Variants in NES observed in about 807,000 individuals in gnomAD.
NES encodes the protein nestin.
NES carries 27 observed loss-of-function variants against 35.6 expected under a neutral mutation model. That is an observed-to-expected ratio of 0.76 (90% CI 0.56 to 1.04). NES has a LOEUF of 1.04. Among genes scored for constraint, NES ranks in the 50% least tolerant of loss-of-function variants. NES has a pLI of 0.00. For missense variants in NES, 1,867 were observed against 1,983.6 expected, an observed-to-expected ratio of 0.94 and a Z score of 1.12; for synonymous variants, 822 against 824.2, an observed-to-expected ratio of 1.00 and a Z score of 0.04.
At position 156,672,980 on chromosome 1, in the gene NES, G is replaced by C. The variant is rs749943781; in HGVS notation, c.1208C>G (p.Ala403Gly). 6.2e-7 allele frequency: 1 copy of C among 1,613,968 alleles called. No individual in the cohort carries two copies. Among genetic ancestry groups the C allele is most frequent in the Non-Finnish European group, 8.5e-7 (1 of 1,179,922 alleles). Reference protein sequence around the residue: ...TPQAPSPAVDAEIRAQDAPLS... With the variant: ...TPQAPSPAVDGEIRAQDAPLS... ...AGGAGCATCCTGGGCTCTGATCTCTGCATCTACAGCAGGAGAGGGTGCCTG... is the reference window on the plus strand; with the variant it reads ...AGGAGCATCCTGGGCTCTGATCTCTCCATCTACAGCAGGAGAGGGTGCCTG... Residue 403 changes from alanine to glycine, a missense_variant, in exon 4 of 4, where the codon GCA becomes GGA. Transcript: ENST00000368223.
rs748055172 is a variant in NES, at chr1:156,669,684, A to T, written c.4504T>A (p.Ser1502Thr). The change falls in exon 4 of 4, where the codon TCT becomes ACT. Residue 1502 changes from serine to threonine, a missense_variant. Physicochemically the swap from Ser to Thr is moderately conservative, Grantham distance 58. Coordinates refer to ENST00000368223, the MANE Select transcript of NES (RefSeq NM_006617.2). ...SAEPSGSEEE[S>T]DPVSLEREDK... ...TCCCTCTCCAAGGAAACAGGGTCAG[A>T]CTCTTCCTCTGAGCCAGAAGGCTCA... The T allele has an allele frequency of 6.2e-7, 1 of 1,612,950 alleles. No homozygotes were observed. Among genetic ancestry groups the T allele is most frequent in the Non-Finnish European group, 8.5e-7 (1 of 1,179,622 alleles).
In NES at chr1:156,670,560, C is replaced by T. The variant is rs1679696845; in HGVS notation, c.3628G>A (p.Ala1210Thr). ...AGCACTGGTGGTACATCCTCCTCAGCTTCCTCTGACCCCAGAGGCCAAGGT... is the reference window on the plus strand; with the variant it reads ...AGCACTGGTGGTACATCCTCCTCAGTTTCCTCTGACCCCAGAGGCCAAGGT... Reference protein sequence around the residue: ...PSPWPLGSEEAEEDVPPVLVS... With the variant: ...PSPWPLGSEETEEDVPPVLVS... Residue 1210 changes from alanine (A) to threonine (T), a missense_variant, in exon 4 of 4, where the codon GCT becomes ACT. Transcript: ENST00000368223. The T allele has an allele frequency of 6.2e-7, 1 of 1,612,078 alleles. No homozygotes were observed. Among genetic ancestry groups the T allele is most frequent in the Admixed American group, 1.7e-5 (1 of 59,902 alleles).
At position 156,676,818 on chromosome 1, in the gene NES, G is replaced by A. The variant is rs1647309214; in HGVS notation, c.447C>T (p.Val149=). The A allele has an allele frequency of 2.1e-6, 3 of 1,435,612 alleles. No homozygotes were observed. Among genetic ancestry groups the A allele is most frequent in the Non-Finnish European group, 2.7e-6 (3 of 1,108,428 alleles). 88.9% of individuals were successfully genotyped at this position (1,435,612 alleles called of 1,614,324 possible). Residue 149 remains valine, a synonymous_variant, in exon 1 of 4, where the codon GTC becomes GTT. Transcript: ENST00000368223. This position sits in a 1 kb window ranked among gnomAD's most constrained non-coding sequence, Gnocchi z 5.3. Reference sequence around the variant, plus strand: ...CACAGGCAGCCTGCGCGTTCAGGCCGACGCGCTCCTCCTCGTGCGCCACGC... The same window carrying A: ...CACAGGCAGCCTGCGCGTTCAGGCCAACGCGCTCCTCCTCGTGCGCCACGC... ...ALRVAHEEER[V]GLNAQAACAP...
chr1:156,672,813 ACTGG>A lies in NES; in HGVS notation c.1371_1374del (p.Gln458ProfsTer19). 1 of 1,613,652 alleles carries A rather than the reference ACTGG, an allele frequency of 6.2e-7. No individual in the cohort carries two copies. Among genetic ancestry groups the A allele is most frequent in the East Asian group, 2.2e-5 (1 of 44,870 alleles). On this transcript the variant is annotated frameshift_variant, in exon 4 of 4. Transcript: ENST00000368223. LOFTEE classifies it low-confidence loss of function (END_TRUNC). ...GCCAAGGAGGCATGGTCCTCTGGGGACTGGCCTGTACTGGCCTCTTGCCGCTGGC... is the reference window on the plus strand; with the variant it reads ...GCCAAGGAGGCATGGTCCTCTGGGGACCTGTACTGGCCTCTTGCCGCTGGC...
rs761044522 is a variant in NES, at chr1:156,671,536, C to T, written c.2652G>A (p.Leu884=). 6.2e-7 allele frequency: 1 copy of T among 1,613,972 alleles called. No individual in the cohort carries two copies. The highest frequency in any genetic ancestry group is 8.5e-7 in the Non-Finnish European group (1 of 1,180,032). ...VEVNQETFRL[L]EEENQESLRS... ...TCAATGATTCCTGATTCTCCTCTTCCAGGAGTCTGAATGTCTCTTGGTTCA... is the reference window on the plus strand; with the variant it reads ...TCAATGATTCCTGATTCTCCTCTTCTAGGAGTCTGAATGTCTCTTGGTTCA... The change falls in exon 4 of 4, where the codon CTG becomes CTA. Residue 884 remains leucine, a synonymous_variant. Coordinates refer to ENST00000368223, the MANE Select transcript of NES (RefSeq NM_006617.2).
chr1:156,671,078 C>T lies in NES; in HGVS notation c.3110G>A (p.Gly1037Asp), dbSNP rs890164476. The change falls in exon 4 of 4, where the codon GGC becomes GAC. Residue 1037 changes from glycine to aspartate, a missense_variant. Transcript: ENST00000368223. ...EGASVKGGAE[G>D]LQDPEGQSQQ... Reference sequence around the variant, plus strand: ...TGATTGCCCTTCAGGGTCCTGGAGGCCCTCAGCCCCTCCCTTCACACTGGC... The same window carrying T: ...TGATTGCCCTTCAGGGTCCTGGAGGTCCTCAGCCCCTCCCTTCACACTGGC... 5.0e-6 allele frequency: 8 copies of T among 1,613,722 alleles called. No homozygotes were observed. Among genetic ancestry groups the T allele is most frequent in the Non-Finnish European group, 6.8e-6 (8 of 1,179,982 alleles).
Position 156,670,154 on chromosome 1 carries a change from G to A in NES, c.4034C>T (p.Pro1345Leu), listed in dbSNP as rs1571461963. 2.5e-6 allele frequency: 4 copies of A among 1,614,002 alleles called. No individual in the cohort carries two copies. The East Asian group carries it at 8.9e-5, about 36-fold the overall frequency. Residue 1345 changes from proline to leucine, a missense_variant, in exon 4 of 4, where the codon CCA becomes CTA. Transcript: ENST00000368223. The part of the protein sequence containing the change: ...AVLASEGLEA[P>L]PSEKEEGEEG... ...CTCCCCCTCCTCCTTTTCTGAGGGT[G>A]GGGCCTCAAGGCCCTCGGAAGCCAG...
chr1:156,670,653 C>T lies in NES; in HGVS notation c.3535G>A (p.Ala1179Thr), dbSNP rs371769097. Residue 1179 changes from alanine to threonine, a missense_variant, in exon 4 of 4, where the codon GCC (alanine) becomes ACC (threonine). Physicochemically the swap from Ala to Thr is moderately conservative, Grantham distance 58. Transcript: ENST00000368223. ...AACGCCTCCTCTGCTCCCCTGGGGGCCTCAGCCTCTGACTCCTCCCTACCC... is the reference window on the plus strand; with the variant it reads ...AACGCCTCCTCTGCTCCCCTGGGGGTCTCAGCCTCTGACTCCTCCCTACCC... Reference protein sequence around the residue: ...REGREESEAEAPRGAEEAFPA... With the variant: ...REGREESEAETPRGAEEAFPA... 6.2e-7 allele frequency: 1 copy of T among 1,613,774 alleles called. No individual in the cohort carries two copies. Among genetic ancestry groups the T allele is most frequent in the African/African-American group, 1.3e-5 (1 of 74,842 alleles).
In NES at chr1:156,677,015, G is replaced by C. The variant is rs1484919442; in HGVS notation, c.250C>G (p.Leu84Val). Residue 84 changes from leucine (L) to valine (V), a missense_variant, in exon 1 of 4, where the codon CTG becomes GTG. Leu to Val is a conservative substitution (Grantham distance 32). Transcript: ENST00000368223. The surrounding 1 kb of genome is among the most constrained non-coding windows in gnomAD (Gnocchi z 4.5). Reference sequence around the variant, plus strand: ...GCCACGCCCTCCAGCTCTTCAGCCAGGTTGTCGCGCGCCACCTCGGCCGCG... The same window carrying C: ...GCCACGCCCTCCAGCTCTTCAGCCACGTTGTCGCGCGCCACCTCGGCCGCG... Reference protein sequence around the residue: ...KHAAEVARDNLAEELEGVAGR... With the variant: ...KHAAEVARDNVAEELEGVAGR... The C allele has an allele frequency of 1.9e-6, 3 of 1,587,434 alleles. No homozygotes were observed. The highest frequency in any genetic ancestry group is 1.7e-5 in the Admixed American group (1 of 58,076).
Position 156,672,236 on chromosome 1 carries a change from G to A in NES, c.1952C>T (p.Thr651Met), listed in dbSNP as rs746512716. The change falls in exon 4 of 4, where the codon ACG becomes ATG. Residue 651 changes from threonine (T) to methionine (M), a missense_variant. Transcript: ENST00000368223. ...AGAACTTACTAATTCTTGATTTTCC[G>A]TTCCTGGAAATAAAAATGTCTCTAG... ...GNLETFLFPG[T>M]ENQELVSSLQ... The A allele has an allele frequency of 3.4e-5, 55 of 1,596,634 alleles. No homozygotes were observed. Among genetic ancestry groups the A allele is most frequent in the South Asian group, 1.1e-4 (10 of 88,122 alleles).
At position 156,671,387 on chromosome 1, in the gene NES, G is replaced by A. The variant is rs1207305681; in HGVS notation, c.2801C>T (p.Ser934Phe). ...GKGEYQESLR[S>F]LEEEGQELPQ... ...CAGCTCCTGTCCCTCCTCCTCCAGA[G>A]ACCTCAGTGACTCTTGGTACTCTCC... The change falls in exon 4 of 4, where the codon TCT becomes TTT. Residue 934 changes from serine to phenylalanine, a missense_variant. Physicochemically the swap from Ser to Phe is radical, Grantham distance 155 (BLOSUM62 -2). Coordinates refer to ENST00000368223, the MANE Select transcript of NES (RefSeq NM_006617.2). 3 of 1,613,994 alleles carry A rather than the reference G, an allele frequency of 1.9e-6. No individual in the cohort carries two copies. The highest frequency in any genetic ancestry group is 2.2e-5 in the East Asian group (1 of 44,880).
At position 156,676,932 on chromosome 1, in the gene NES, G is replaced by A; in HGVS notation, c.333C>T (p.Arg111=). 1 of 1,552,526 alleles carries A rather than the reference G, an allele frequency of 6.4e-7. No homozygotes were observed. Among genetic ancestry groups the A allele is most frequent in the Non-Finnish European group, 8.6e-7 (1 of 1,157,844 alleles). The change falls in exon 1 of 4, where the codon CGC becomes CGT. Residue 111 remains arginine (R), a synonymous_variant. Transcript: ENST00000368223. This position sits in a 1 kb window ranked among gnomAD's most constrained non-coding sequence, Gnocchi z 5.3. The stretch of plus-strand genomic sequence containing the variant: ...TCTCTGCCTCGACGGCGCGCCGGTT[G>A]CGGGCTACCTCCTCCGTCGTCCGCT... ...ARERTTEEVA[R]NRRAVEAEKC... is the part of the protein sequence containing the mutation.
At chr1:156,673,319 C>G (rs1679777075) in intron 3 of NES, 114 bp from the exon 4 acceptor site, 46 of 1,307,448 alleles carry the variant, frequency 3.5e-5, no homozygotes, top group Non-Finnish European at 4.6e-5. Context: ...GCGCCCATGG[C>G]TGGGCTGAGA....
In NES at chr1:156,672,019, C is replaced by T; in HGVS notation, c.2169G>A (p.Lys723=). The T allele has an allele frequency of 6.2e-7, 1 of 1,613,868 alleles. No individual in the cohort carries two copies. Among genetic ancestry groups the T allele is most frequent in the Non-Finnish European group, 8.5e-7 (1 of 1,179,972 alleles). The change falls in exon 4 of 4, where the codon AAG becomes AAA. Residue 723 remains lysine, a synonymous_variant. Coordinates refer to ENST00000368223, the MANE Select transcript of NES (RefSeq NM_006617.2). The part of the protein sequence containing the change: ...SLEKENQEPL[K]TLEEEDQSIV... ...TACTCTGGTCCTCTTCTTCTAGAGTCTTCAGTGGCTCCTGGTTCTCTTTTT... is the reference window on the plus strand; with the variant it reads ...TACTCTGGTCCTCTTCTTCTAGAGTTTTCAGTGGCTCCTGGTTCTCTTTTT...
chr1:156,671,895 G>A lies in NES; in HGVS notation c.2293C>T (p.Arg765Ter), dbSNP rs148343241. 8.7e-6 allele frequency: 14 copies of A among 1,613,832 alleles called. No homozygotes were observed. The highest frequency in any genetic ancestry group is 1.3e-5 in the African/African-American group (1 of 74,876). ...LRTLEKETQQ[R>*]RRSLGEQDQM... ...TCCTGTTCCCCTAGAGACCTCCGTC[G>A]CTGTTGAGTCTCTTTTTCAAGAGTT... Residue 765 changes from arginine (R) to a stop codon, truncating the protein, a stop_gained, in exon 4 of 4, where the codon CGA becomes TGA. Transcript: ENST00000368223. LOFTEE classifies it low-confidence loss of function (END_TRUNC).
rs1679739675 is a variant in NES, at chr1:156,671,806, C to T, written c.2382G>A (p.Glu794=). 6.2e-7 allele frequency: 1 copy of T among 1,614,004 alleles called. No individual in the cohort carries two copies. The highest frequency in any genetic ancestry group is 1.1e-5 in the South Asian group (1 of 91,084). ...TCTCATTTTCAAGAGGTCTAGCTAT[C>T]TCCTGGTCAAGAGACTTCAGTGGTT... The part of the protein sequence containing the change: ...DLEPLKSLDQ[E]IARPLENENQ... The change falls in exon 4 of 4, where the codon GAG becomes GAA. Residue 794 remains glutamate, a synonymous_variant. Coordinates refer to ENST00000368223, the MANE Select transcript of NES (RefSeq NM_006617.2).
rs1215955120 is a variant in NES, at chr1:156,669,131, C to CA, written c.*190dup. 2.1e-6 allele frequency: 1 copy of CA among 475,056 alleles called. No individual in the cohort carries two copies. Among genetic ancestry groups the CA allele is most frequent in the Non-Finnish European group, 3.7e-6 (1 of 270,794 alleles). The allele number at this position is 475,056 out of a possible 1,614,324, so 29.4% of individuals were successfully genotyped here. On this transcript the variant is annotated 3_prime_UTR_variant, in exon 4 of 4. Coordinates refer to ENST00000368223, the MANE Select transcript of NES (RefSeq NM_006617.2). ...TGCAGGGTGGGAGGTTATATTCCTA[C>CA]AGCCTCCATTCTTGGAGTAGGCTCC...
In NES at chr1:156,669,103, C is replaced by A; in HGVS notation, c.*219G>T. On this transcript the variant is annotated 3_prime_UTR_variant, in exon 4 of 4. Coordinates refer to ENST00000368223, the MANE Select transcript of NES (RefSeq NM_006617.2). ...TGAGATGGAGCAGGCAAGAGATTCC[C>A]TTTGCAGGGTGGGAGGTTATATTCC... The A allele has an allele frequency of 2.3e-6, 1 of 430,596 alleles. No individual in the cohort carries two copies. The highest frequency in any genetic ancestry group is 3.8e-5 in the Admixed American group (1 of 26,104). 26.7% of individuals were successfully genotyped at this position (430,596 alleles called of 1,614,324 possible). A position where few individuals can be genotyped will look rare whatever the true frequency, so the allele number is the denominator to read the frequency against.
chr1:156,670,474 CT>C lies in NES; in HGVS notation c.3713del (p.Gln1238ArgfsTer22). 1.3e-6 allele frequency: 2 copies of C among 1,573,660 alleles called. No individual in the cohort carries two copies. The highest frequency in any genetic ancestry group is 1.8e-5 in the Admixed American group (1 of 55,964). On this transcript the variant is annotated frameshift_variant, in exon 4 of 4. Transcript: ENST00000368223. LOFTEE classifies it low-confidence loss of function (END_TRUNC). Reference protein sequence around the residue: ...ILEDAPGPQPQAEGSQEASWG... With the variant: ...ILEDAPGPQPXAEGSQEASWG... Reference sequence around the variant, plus strand: ...AGCTAGCCTCCTGACTCCCTTCAGCCTGAGGCTGAGGCCCAGGGGCATCTTC... The same window carrying C: ...AGCTAGCCTCCTGACTCCCTTCAGCCGAGGCTGAGGCCCAGGGGCATCTTC...
Sources: gnomAD v4.1 joint callset for allele counts on GRCh38, gnomAD v4.1.1 for gene constraint, Gnocchi (gnomAD v3.1) non-coding constraint, MANE v1.5 for transcripts, NCBI Gene and HGNC (gene_info 2026-07-23, HGNC 2026-07-21) for gene names.